LDB2: variants seen among roughly 807,000 people sequenced by gnomAD.
LDB2 encodes the protein LIM domain-binding protein 2.
A neutral mutation model predicts 44.3 loss-of-function variants in LDB2; 12 were observed. That is an observed-to-expected ratio of 0.27 (90% confidence interval 0.17 to 0.44). LDB2 has a LOEUF of 0.44. Among genes scored for constraint, LDB2 ranks in the 20% least tolerant of loss-of-function variants. The pLI, the probability that LDB2 is intolerant of heterozygous loss-of-function variation, is 1.00. For missense variants in LDB2, 344 were observed against 473.5 expected, an observed-to-expected ratio of 0.73 and a Z score of 2.54; for synonymous variants, 164 against 174.8, an observed-to-expected ratio of 0.94 and a Z score of 0.49.
chr4:16,609,685 G>A (rs1725085461), intron 2 of LDB2, among the ~76,000 whole-genome samples: 1 of 152,192 alleles, frequency 6.6e-6, no homozygotes. Context: ...AGGCTCAGGG[G>A]CAGAATTCAG....
intron 2 of LDB2, among the ~76,000 whole-genome samples, chr4:16,616,079 TC>T (rs1281099630): frequency 1.3e-5 from 2 of 152,212 alleles, no homozygotes; most frequent in Non-Finnish European, 2.9e-5. Flanking sequence ...AATTAACTTT[TC>T]TTCCTAACAT....
At chr4:16,725,700 G>A (rs1759287212) in intron 2 of LDB2, among the ~76,000 whole-genome samples, 1 of 151,874 alleles carries the variant, frequency 6.6e-6, no homozygotes, top group South Asian at 2.1e-4. Flanking sequence ...CTCTCTCAGG[G>A]ACACACCTGA....
At chr4:16,565,973 C>T (rs935870364) in intron 5 of LDB2, among the ~76,000 whole-genome samples, 1 of 151,878 alleles carries the variant, frequency 6.6e-6, no homozygotes, top group Non-Finnish European at 1.5e-5. Context: ...TCTATACATA[C>T]ACACATATAC....
Position 16,574,366 on chromosome 4 carries a change from C to T in LDB2, c.615+11556G>A, listed in dbSNP as rs528196849. ...TAACACTTGTACTGGGGAGAGGTGC[C>T]AAATACAGGCACATGTTCCAGCTCC... On this transcript the variant is annotated intron_variant, in intron 5 of 7. Coordinates refer to ENST00000304523, the MANE Select transcript of LDB2 (RefSeq NM_001290.5). Among the ~76,000 whole-genome samples, 103 of 152,216 alleles carry T rather than the reference C, an allele frequency of 6.8e-4. 1 individual carries two copies. Among genetic ancestry groups the T allele is most frequent in the African/African-American group, 2.4e-3 (101 of 41,538 alleles).
intron 1 of LDB2, among the ~76,000 whole-genome samples, chr4:16,853,003 G>C (rs1788594927): frequency 6.6e-6 from 1 of 152,124 alleles, no homozygotes; most frequent in Admixed American, 6.5e-5. Context: ...TCATTAGAAA[G>C]CAACCAAAAG....
intron 1 of LDB2, among the ~76,000 whole-genome samples, chr4:16,841,437 A>G (rs1785869633): frequency 6.6e-6 from 1 of 152,232 alleles, no homozygotes; most frequent in Non-Finnish European, 1.5e-5. Context: ...CTACTTTTTG[A>G]ATGGCATTAT....
intron 1 of LDB2, among the ~76,000 whole-genome samples, chr4:16,766,403 T>G (rs1014427343): frequency 2.0e-5 from 3 of 151,694 alleles, no homozygotes; most frequent in African/African-American, 7.3e-5. Context: ...TGCATTTATA[T>G]ATATACACAT....
chr4:16,536,442 T>G (rs921655652), intron 5 of LDB2, among the ~76,000 whole-genome samples: 1 of 152,202 alleles, frequency 6.6e-6, no homozygotes, highest in Non-Finnish European at 1.5e-5. Context: ...GCTGGTCAGA[T>G]GTCCAGAAGG....
At chr4:16,682,081 C>T (rs1027507345) in intron 2 of LDB2, among the ~76,000 whole-genome samples, 1 of 152,114 alleles carries the variant, frequency 6.6e-6, no homozygotes, top group Non-Finnish European at 1.5e-5. Flanking sequence ...TTGAACATTG[C>T]TCATCATCGT....
At chr4:16,535,790 G>T (rs1004338175) in intron 5 of LDB2, among the ~76,000 whole-genome samples, 9 of 152,180 alleles carry the variant, frequency 5.9e-5, no homozygotes, top group Admixed American at 1.3e-4. Context: ...TATGAAGCAG[G>T]TTTTATTATT....
In LDB2 at chr4:16,502,892, A is replaced by G. The variant is rs1252269498; in HGVS notation, c.892-19T>C. 2 of 1,612,358 alleles carry G rather than the reference A, an allele frequency of 1.2e-6. No individual in the cohort carries two copies. Among genetic ancestry groups the G allele is most frequent in the Admixed American group, 1.7e-5 (1 of 60,002 alleles). ...TCACATCCTGTGAACAGCAGCTGAC[A>G]TTATTACAGGGAAACCTTGGGAGAG... On this transcript the variant is annotated intron_variant, in intron 7 of 7. Coordinates refer to ENST00000304523, the MANE Select transcript of LDB2 (RefSeq NM_001290.5).
At chr4:16,587,081 T>C (rs755586884) in intron 4 of LDB2, among the ~76,000 whole-genome samples, 4 of 152,188 alleles carry the variant, frequency 2.6e-5, no homozygotes, top group Non-Finnish European at 5.9e-5. Flanking sequence ...TAAACCACTC[T>C]TATGTGCTAG....
intron 5 of LDB2, among the ~76,000 whole-genome samples, chr4:16,537,055 G>A (rs1436263550): frequency 6.6e-6 from 1 of 152,140 alleles, no homozygotes; most frequent in Non-Finnish European, 1.5e-5. Context: ...TTTATGATTG[G>A]TATAAGCCTG....
chr4:16,704,269 C>A (rs1754122703), intron 2 of LDB2, among the ~76,000 whole-genome samples: 1 of 152,148 alleles, frequency 6.6e-6, no homozygotes, highest in Non-Finnish European at 1.5e-5. Flanking sequence ...TGATAGCCTT[C>A]CACTAGATTC....
intron 2 of LDB2, among the ~76,000 whole-genome samples, chr4:16,635,875 G>A (rs947299001): frequency 5.9e-5 from 9 of 152,142 alleles, no homozygotes; most frequent in African/African-American, 2.2e-4. Context: ...ACGGTCTATA[G>A]TATAGGTGAA....
chr4:16,647,088 G>A (rs576814570), intron 2 of LDB2, among the ~76,000 whole-genome samples: 3 of 152,244 alleles, frequency 2.0e-5, no homozygotes, highest in Non-Finnish European at 2.9e-5. Context: ...ACAGTTAAAC[G>A]AAATTTGTCA....
chr4:16,556,873 A>C (rs1177266276), intron 5 of LDB2, among the ~76,000 whole-genome samples: 1 of 152,228 alleles, frequency 6.6e-6, no homozygotes, highest in African/African-American at 2.4e-5. Flanking sequence ...TTTGGTTCAA[A>C]TTTGGGGGAG....
chr4:16,563,856 G>T (rs1158818279), intron 5 of LDB2, among the ~76,000 whole-genome samples: 2 of 152,058 alleles, frequency 1.3e-5, no homozygotes, highest in Admixed American at 1.3e-4. Flanking sequence ...GCAGTCCCCA[G>T]TTCATGGCTG....
At chr4:16,695,816 ATTC>A (rs906357948) in intron 2 of LDB2, among the ~76,000 whole-genome samples, 6 of 150,406 alleles carry the variant, frequency 4.0e-5, no homozygotes, top group Admixed American at 1.3e-4. Flanking sequence ...ATAAAAAATT[ATTC>A]TTCTTTTGAT....
Sources: gnomAD v4.1 joint callset for allele counts (sites outside exome capture counted in the v4.1 genomes callset) on GRCh38, gnomAD v4.1.1 for gene constraint, MANE v1.5 for transcripts, NCBI Gene and HGNC (gene_info 2026-07-23, HGNC 2026-07-21) for gene names.